The following BTN3A2 variants were observed in gnomAD, a reference collection of about 807,000 sequenced individuals.
The protein encoded by BTN3A2 is butyrophilin subfamily 3 member A2, also known as butyrophilin protein.
In BTN3A2, 25 loss-of-function variants were observed where a neutral mutation model predicts 37.6. That is an observed-to-expected ratio of 0.66 (90% CI 0.48 to 0.93). The LOEUF (loss-of-function observed/expected upper bound fraction) is 0.93. Ranked by LOEUF, BTN3A2 falls within the 40% of genes least tolerant of loss-of-function variation. The probability of loss-of-function intolerance (pLI) is 0.00; values close to 1 mark genes in which losing one functional copy is unlikely to be tolerated. For missense variants in BTN3A2, 266 were observed against 410.9 expected, an observed-to-expected ratio of 0.65 and a Z score of 3.05; for synonymous variants, 122 against 159.4, an observed-to-expected ratio of 0.77 and a Z score of 1.77.
chr6:26,371,764 T>C (rs1260991415), intron 5 of BTN3A2, among the ~76,000 whole-genome samples: 1 of 152,118 alleles, frequency 6.6e-6, no homozygotes, highest in Admixed American at 6.5e-5. Flanking sequence ...CTGCAGCCTC[T>C]GCCTCCCAGG....
chr6:26,374,845 A>G (rs900516210), intron 10 of BTN3A2, 47 bp downstream of exon 10: 6 of 1,481,054 alleles, frequency 4.1e-6, no homozygotes, highest in African/African-American at 2.8e-5. Context: ...CTGAGGGACT[A>G]TATTCCTTTT....
At chr6:26,366,035 T>G (rs1336190639) in intron 1 of BTN3A2, among the ~76,000 whole-genome samples, 1 of 152,216 alleles carries the variant, frequency 6.6e-6, no homozygotes, top group Non-Finnish European at 1.5e-5. Flanking sequence ...GTACTTGGTT[T>G]TCTTTCCATT....
chr6:26,375,549 A>G, intron 10 of BTN3A2: 1 of 1,300,484 alleles, frequency 7.7e-7, no homozygotes. Flanking sequence ...AGCAAACCAG[A>G]GGACAAGGGA....
rs1268418563 is a variant in BTN3A2, at chr6:26,370,335, T to C, written c.447T>C (p.Asn149=). The stretch of plus-strand genomic sequence containing the variant: ...ATCCTTCCACAGCACTGGGTTCTAA[T>C]CTTCACGTCGAAGTGAAGGGTTATG... ...VELKVAALGS[N]LHVEVKGYED... Residue 149 remains asparagine, a synonymous_variant, in exon 5 of 11, where the codon AAT becomes AAC. Coordinates refer to ENST00000377708, the MANE Select transcript of BTN3A2 (RefSeq NM_007047.5). 2 of 1,614,066 alleles carry C rather than the reference T, an allele frequency of 1.2e-6. No individual in the cohort carries two copies. The highest frequency in any genetic ancestry group is 2.7e-5 in the African/African-American group (2 of 74,922).
intron 8 of BTN3A2, 175 bp downstream of exon 8, chr6:26,373,588 G>GAA (rs539931551): frequency 0.017 from 2,392 of 140,820 alleles, 30 homozygotes; most frequent in Middle Eastern, 0.037. Context: ...TTTCTCTCTA[G>GAA]AAAAAAAAAA....
At chr6:26,366,440 A>G (rs538576908) in intron 1 of BTN3A2, among the ~76,000 whole-genome samples, 8 of 152,352 alleles carry the variant, frequency 5.3e-5, no homozygotes, top group African/African-American at 1.9e-4. Flanking sequence ...AGCAAAGTAT[A>G]TAACTACAGA....
In BTN3A2 at chr6:26,376,161, C is replaced by G; in HGVS notation, c.*399C>G. The G allele has an allele frequency of 1.1e-5, 2 of 177,704 alleles. No individual in the cohort carries two copies. Among genetic ancestry groups the G allele is most frequent in the Non-Finnish European group, 2.2e-5 (2 of 88,926 alleles). The allele number at this position is 177,704 out of a possible 1,614,324, so 11.0% of individuals were successfully genotyped here. On this transcript the variant is annotated 3_prime_UTR_variant, in exon 11 of 11. Coordinates refer to ENST00000377708, the MANE Select transcript of BTN3A2 (RefSeq NM_007047.5). Reference sequence around the variant, plus strand: ...CCGGAAGGCAGAGCTTGCAGTGAGCCGAGATCACGCCACTGCACTCCAGCC... The same window carrying G: ...CCGGAAGGCAGAGCTTGCAGTGAGCGGAGATCACGCCACTGCACTCCAGCC...
At position 26,377,208 on chromosome 6, in the gene BTN3A2, T is replaced by C. The variant is rs1242059721; in HGVS notation, c.*1446T>C. On this transcript the variant is annotated 3_prime_UTR_variant, in exon 11 of 11. Coordinates refer to ENST00000377708, the MANE Select transcript of BTN3A2 (RefSeq NM_007047.5). ...TGGGGAGCCTCAGGCTGAAGTAACA[T>C]CTCTGCTTCTCCCTGCCCAGCCTGG... is the stretch of plus-strand genomic sequence containing the variant. 9.1e-7 allele frequency: 1 copy of C among 1,095,876 alleles called. No individual in the cohort carries two copies. Among genetic ancestry groups the C allele is most frequent in the East Asian group, 2.4e-5 (1 of 42,316 alleles). The allele number at this position is 1,095,876 out of a possible 1,614,324, so 67.9% of individuals were successfully genotyped here.
At chr6:26,368,365 A>G in intron 3 of BTN3A2, 98 bp downstream of exon 3, 1 of 1,532,310 alleles carries the variant, frequency 6.5e-7, no homozygotes, top group Middle Eastern at 1.7e-4. Context: ...GCCCTCTTAG[A>G]ACCTTTAACT....
Position 26,377,895 on chromosome 6 carries a change from A to T in BTN3A2, c.*2133A>T, listed in dbSNP as rs1760800473. 6.5e-6 allele frequency: 1 copy of T among 152,812 alleles called. No homozygotes were observed. The highest frequency in any genetic ancestry group is 2.4e-5 in the African/African-American group (1 of 41,446). 9.5% of individuals were successfully genotyped at this position (152,812 alleles called of 1,614,324 possible). ...GAGAGAATAACGTTGCAGTTCCCAC[A>T]GGGCATGTGACTTTGAAAGAGACTA... On this transcript the variant is annotated 3_prime_UTR_variant, in exon 11 of 11. Transcript: ENST00000377708.
intron 4 of BTN3A2, among the ~76,000 whole-genome samples, chr6:26,369,675 C>T (rs539373478): frequency 5.9e-5 from 9 of 152,242 alleles, no homozygotes; most frequent in African/African-American, 2.2e-4. Flanking sequence ...TTGGTCACTG[C>T]TGTGGTTTGG....
At position 26,374,392 on chromosome 6, in the gene BTN3A2, A is replaced by T; in HGVS notation, c.*6+19A>T. ...ATGCTCTGTAAGTTTGCTGGGTCAC[A>T]TGCCCTGAATATTTCAACTTTTTCT... On this transcript the variant is annotated intron_variant, in intron 9 of 10. Coordinates refer to ENST00000377708, the MANE Select transcript of BTN3A2 (RefSeq NM_007047.5). The T allele has an allele frequency of 2.5e-5, 41 of 1,609,998 alleles. No individual in the cohort carries two copies. The highest frequency in any genetic ancestry group is 3.5e-5 in the Non-Finnish European group (41 of 1,176,278).
rs1220908553 is a variant in BTN3A2, at chr6:26,378,094, A to C, written c.*2332A>C. 6.6e-6 allele frequency: 1 copy of C among 152,222 alleles called. No homozygotes were observed. Among genetic ancestry groups the C allele is most frequent in the Non-Finnish European group, 1.5e-5 (1 of 68,044 alleles). 9.4% of individuals were successfully genotyped at this position (152,222 alleles called of 1,614,324 possible). On this transcript the variant is annotated 3_prime_UTR_variant, in exon 11 of 11. Coordinates refer to ENST00000377708, the MANE Select transcript of BTN3A2 (RefSeq NM_007047.5). ...GGATGAAGGAAGCTAGAAGAATTAC[A>C]GGGATGTTTTTAATCCCACTATGGA...
At chr6:26,369,716 T>A (rs1759907785) in intron 4 of BTN3A2, among the ~76,000 whole-genome samples, 1 of 152,208 alleles carries the variant, frequency 6.6e-6, no homozygotes, top group African/African-American at 2.4e-5. Flanking sequence ...TATGCTCACA[T>A]ATGATGTGGG....
Position 26,377,035 on chromosome 6 carries a change from C to T in BTN3A2, c.*1273C>T, listed in dbSNP as rs946509159. On this transcript the variant is annotated 3_prime_UTR_variant, in exon 11 of 11. Transcript: ENST00000377708. ...TTTCTGCACGCCTCTTCCTCTGAGC[C>T]TCTGTATCCTGTATTCAGAATTTTG... 4 of 1,389,442 alleles carry T rather than the reference C, an allele frequency of 2.9e-6. No individual in the cohort carries two copies. In the Admixed American group the frequency reaches 5.1e-5, roughly 18 times the overall value. 86.1% of individuals were successfully genotyped at this position (1,389,442 alleles called of 1,614,324 possible).
At chr6:26,374,229 A>G in intron 8 of BTN3A2, 98 bp from the exon 9 acceptor site, 8 of 483,060 alleles carry the variant, frequency 1.7e-5, no homozygotes, top group African/African-American at 2.2e-5. Flanking sequence ...AAAAAAAAAA[A>G]AAAAAAAAAA....
chr6:26,365,474 C>CTGTGTG (rs55949951), intron 1 of BTN3A2, 122 bp downstream of exon 1: 24,049 of 548,892 alleles, frequency 0.044, 429 homozygotes, highest in African/African-American at 0.083. Context: ...GGTGCAGTGC[C>CTGTGTG]TGTGTGTGTG....
intron 1 of BTN3A2, among the ~76,000 whole-genome samples, chr6:26,367,648 C>G (rs1465357984): frequency 6.6e-6 from 1 of 152,174 alleles, no homozygotes; most frequent in South Asian, 2.1e-4. Flanking sequence ...TAATCAATAT[C>G]TTTGTGATTA....
chr6:26,371,363 T>C (rs1054234730), intron 5 of BTN3A2, among the ~76,000 whole-genome samples: 41 of 152,238 alleles, frequency 2.7e-4, no homozygotes, highest in African/African-American at 8.9e-4. Context: ...CACAAAAGGG[T>C]GCTCATTCTC....
Sources: allele counts gnomAD v4.1 joint callset (sites outside exome capture counted in the v4.1 genomes callset), GRCh38; gene constraint gnomAD v4.1.1; transcripts MANE v1.5; gene names NCBI Gene and HGNC (gene_info 2026-07-23, HGNC 2026-07-21).